The following RXYLT1 variants were observed in gnomAD, a reference collection of about 807,000 sequenced individuals.
The protein encoded by RXYLT1 is ribitol xylosyltransferase 1, also known as ribitol-5-phosphate xylosyltransferase 1.
Under a neutral mutation model 43.5 loss-of-function variants are expected in RXYLT1, and 41 were observed. That is an observed-to-expected ratio of 0.94 (90% CI 0.73 to 1.22). RXYLT1 has a LOEUF of 1.22. Among genes scored for constraint, RXYLT1 ranks in the 50% most tolerant of loss-of-function variants. RXYLT1 has a pLI of 0.00. For synonymous variants in RXYLT1, 166 were observed against 194.4 expected (o/e 0.85, Z 1.21); for missense variants, 514 against 532.0 (o/e 0.97, Z 0.33).
chr12:63,809,099 T>G lies in RXYLT1; in HGVS notation c.*7T>G. On this transcript the variant is annotated 3_prime_UTR_variant, in exon 6 of 6. Coordinates refer to ENST00000261234, the MANE Select transcript of RXYLT1 (RefSeq NM_014254.3). ...AATGAATAATAAAAGTTAATTATCT[T>G]TTTGAGCTAACATGTGATTTTTAAA... The G allele has an allele frequency of 6.7e-7, 1 of 1,484,736 alleles. No individual in the cohort carries two copies. The highest frequency in any genetic ancestry group is 9.1e-7 in the Non-Finnish European group (1 of 1,101,264). 92.0% of individuals were successfully genotyped at this position (1,484,736 alleles called of 1,614,324 possible). A position where few individuals can be genotyped will look rare whatever the true frequency, so the allele number is the denominator to read the frequency against.
At chr12:63,803,306 T>A (rs940881380) in intron 4 of RXYLT1, among the ~76,000 whole-genome samples, 1 of 151,376 alleles carries the variant, frequency 6.6e-6, no homozygotes, top group African/African-American at 2.4e-5. Context: ...GACTTTAAGA[T>A]AAGTTGCCAC....
intron 3 of RXYLT1, among the ~76,000 whole-genome samples, chr12:63,785,611 A>G (rs892444360): frequency 3.9e-5 from 6 of 152,080 alleles, no homozygotes; most frequent in African/African-American, 1.2e-4. Flanking sequence ...CTTTTTATAT[A>G]ACTCTTTTCT....
At chr12:63,785,376 A>T (rs1897777975) in intron 3 of RXYLT1, 1 of 161,734 alleles carries the variant, frequency 6.2e-6, no homozygotes, top group Non-Finnish European at 1.3e-5. Flanking sequence ...CAGCCATTGA[A>T]AACATTCTGT....
intron 5 of RXYLT1, 61 bp downstream of exon 5, chr12:63,805,465 T>TA: frequency 1.4e-6 from 2 of 1,478,108 alleles, no homozygotes; most frequent in Admixed American, 4.7e-5. Context: ...TTGCTTTATG[T>TA]AGAAACACAG....
intron 3 of RXYLT1, among the ~76,000 whole-genome samples, chr12:63,800,805 C>T (rs1232825855): frequency 6.6e-6 from 1 of 151,890 alleles, no homozygotes; most frequent in Non-Finnish European, 1.5e-5. Flanking sequence ...ACCTGCAGTC[C>T]CAGCTACTCA....
chr12:63,783,272 C>T (rs1327745220), intron 2 of RXYLT1, among the ~76,000 whole-genome samples: 1 of 152,074 alleles, frequency 6.6e-6, no homozygotes, highest in Non-Finnish European at 1.5e-5. Context: ...ACCAGCCTGG[C>T]CATCATGGTG....
At chr12:63,805,530 C>T in intron 5 of RXYLT1, 126 bp downstream of exon 5, 2 of 910,278 alleles carry the variant, frequency 2.2e-6, no homozygotes, top group Non-Finnish European at 3.2e-6. Context: ...CCAGAAGATA[C>T]ATTAGTAATT....
At chr12:63,784,333 T>C (rs542817177) in intron 2 of RXYLT1, among the ~76,000 whole-genome samples, 3 of 152,246 alleles carry the variant, frequency 2.0e-5, no homozygotes, top group Admixed American at 6.5e-5. Context: ...AGGTGGTGTA[T>C]GGTCTCCATA....
At chr12:63,796,790 T>A (rs1475999217) in intron 3 of RXYLT1, among the ~76,000 whole-genome samples, 1 of 151,752 alleles carries the variant, frequency 6.6e-6, no homozygotes, top group Non-Finnish European at 1.5e-5. Flanking sequence ...TGGATAAAAA[T>A]TTAAAAATAA....
intron 3 of RXYLT1, among the ~76,000 whole-genome samples, chr12:63,799,624 A>C (rs1340932958): frequency 6.6e-6 from 1 of 152,008 alleles, no homozygotes; most frequent in Non-Finnish European, 1.5e-5. Flanking sequence ...GGCACATGAT[A>C]TATATGGACT....
chr12:63,795,815 T>C (rs1898020053), intron 3 of RXYLT1: 1 of 152,152 alleles, frequency 6.6e-6, no homozygotes, highest in African/African-American at 2.4e-5. Context: ...TTATTTCCTG[T>C]AAAATTATGG....
chr12:63,800,727 C>G (rs1455292668), intron 3 of RXYLT1, among the ~76,000 whole-genome samples: 1 of 152,094 alleles, frequency 6.6e-6, no homozygotes, highest in Non-Finnish European at 1.5e-5. Context: ...TCAAGACCAG[C>G]CTGGCCAACA....
At chr12:63,802,031 A>T in intron 3 of RXYLT1, 60 bp from the exon 4 acceptor site, 1 of 1,424,728 alleles carries the variant, frequency 7.0e-7, no homozygotes, top group Non-Finnish European at 9.5e-7. Flanking sequence ...AATTTCTGAT[A>T]CCACATACCT....
At position 63,804,482 on chromosome 12, in the gene RXYLT1, C is replaced by T. The variant is rs561316830; in HGVS notation, c.744-752C>T. The T allele has an allele frequency of 4.6e-5, 7 of 152,096 alleles. No individual in the cohort carries two copies. The East Asian group carries it at 1.4e-3, about 29-fold the overall frequency. The allele number at this position is 152,096 out of a possible 1,614,324, so 9.4% of individuals were successfully genotyped here. A position where few individuals can be genotyped will look rare whatever the true frequency, so the allele number is the denominator to read the frequency against. ...TTTGTTTTAATCTACTTGAAAAGCC[C>T]TTGGGATTAATTTTTCAGAGCCCTT... On this transcript the variant is annotated intron_variant, in intron 4 of 5. Coordinates refer to ENST00000261234, the MANE Select transcript of RXYLT1 (RefSeq NM_014254.3).
At position 63,781,194 on chromosome 12, in the gene RXYLT1, G is replaced by A. The variant is rs758167240; in HGVS notation, c.325+20G>A. ...CCATTGGTAAGTTAATACGTAGAAG[G>A]AAGACATGTAAAAAGCATTATAAAA... On this transcript the variant is annotated intron_variant, in intron 2 of 5. Coordinates refer to ENST00000261234, the MANE Select transcript of RXYLT1 (RefSeq NM_014254.3). 2 of 1,452,992 alleles carry A rather than the reference G, an allele frequency of 1.4e-6. No individual in the cohort carries two copies. The highest frequency in any genetic ancestry group is 1.6e-5 in the South Asian group (1 of 61,680). The allele number at this position is 1,452,992 out of a possible 1,614,324, so 90.0% of individuals were successfully genotyped here. A position where few individuals can be genotyped will look rare whatever the true frequency, so the allele number is the denominator to read the frequency against.
intron 1 of RXYLT1, 113 bp downstream of exon 1, chr12:63,780,242 C>T: frequency 7.2e-7 from 1 of 1,384,594 alleles, no homozygotes; most frequent in Non-Finnish European, 9.3e-7. Flanking sequence ...CCCGCAGGGC[C>T]TGAGAAGCGC....
intron 3 of RXYLT1, among the ~76,000 whole-genome samples, chr12:63,795,057 A>G (rs576781944): frequency 6.6e-6 from 1 of 152,220 alleles, no homozygotes; most frequent in South Asian, 2.1e-4. Context: ...GCACTTTGGG[A>G]GGCCAAAGCA....
At chr12:63,805,188 G>A in intron 4 of RXYLT1, 46 bp from the exon 5 acceptor site, 1 of 1,482,022 alleles carries the variant, frequency 6.7e-7, no homozygotes, top group Non-Finnish European at 9.0e-7. Context: ...GGGAATTTTT[G>A]CCAATTCTAT....
At chr12:63,788,946 ATTG>A (rs1241909701) in intron 3 of RXYLT1, among the ~76,000 whole-genome samples, 3 of 151,892 alleles carry the variant, frequency 2.0e-5, no homozygotes, top group African/African-American at 7.2e-5. Flanking sequence ...ACCTTATTTT[ATTG>A]TTGTTGTTCT....
Sources: allele counts gnomAD v4.1 joint callset (sites outside exome capture counted in the v4.1 genomes callset), GRCh38; gene constraint gnomAD v4.1.1; transcripts MANE v1.5; gene names NCBI Gene and HGNC (gene_info 2026-07-23, HGNC 2026-07-21).